Variants in TANC2 observed in about 807,000 individuals in gnomAD.
TANC2 encodes tetratricopeptide repeat, ankyrin repeat and coiled-coil containing 2, also known as protein TANC2.
Under a neutral mutation model 210.5 loss-of-function variants are expected in TANC2, and 26 were observed. That is an observed-to-expected ratio of 0.12 (90% CI 0.09 to 0.17). The LOEUF (loss-of-function observed/expected upper bound fraction) is 0.17. Ranked by LOEUF, TANC2 falls within the 10% of genes least tolerant of loss-of-function variation. The pLI, the probability that TANC2 is intolerant of heterozygous loss-of-function variation, is 1.00. For synonymous variants in TANC2, 931 were observed against 967.1 expected (o/e 0.96, Z 0.69); for missense variants, 2,129 against 2,608.9 (o/e 0.82, Z 4.01).
chr17:63,047,383 G>A (rs570378378), intron 2 of TANC2, among the ~76,000 whole-genome samples: 6 of 152,282 alleles, frequency 3.9e-5, no homozygotes, highest in East Asian at 1.9e-4. Context: ...TCAGTTATTT[G>A]TGGATATATG....
At chr17:63,356,132 CTT>C (rs2046777019) in intron 14 of TANC2, among the ~76,000 whole-genome samples, 2 of 152,282 alleles carry the variant, frequency 1.3e-5, no homozygotes, top group African/African-American at 4.8e-5. Context: ...CCCCAGCACT[CTT>C]TCCCAATGAG....
chr17:63,070,890 T>C (rs1474293406), intron 2 of TANC2, among the ~76,000 whole-genome samples: 1 of 152,168 alleles, frequency 6.6e-6, no homozygotes, highest in Non-Finnish European at 1.5e-5. Context: ...TAAAAAACAT[T>C]AAGCAGGTCA....
At chr17:63,285,028 A>G (rs940707455) in intron 9 of TANC2, among the ~76,000 whole-genome samples, 6 of 152,122 alleles carry the variant, frequency 3.9e-5, no homozygotes, top group African/African-American at 1.4e-4. Context: ...CACTTTGTCT[A>G]ATAATAAAAA....
At chr17:63,143,551 CTTTAT>C (rs1355978040) in intron 4 of TANC2, among the ~76,000 whole-genome samples, 1 of 152,220 alleles carries the variant, frequency 6.6e-6, no homozygotes, top group Non-Finnish European at 1.5e-5. Context: ...ATCACAACCT[CTTTAT>C]TTTAATCAGT....
chr17:63,201,622 C>CTT (rs76234428), intron 7 of TANC2, among the ~76,000 whole-genome samples: 46 of 139,850 alleles, frequency 3.3e-4, no homozygotes, highest in South Asian at 1.6e-3. Context: ...TTTCTTATAC[C>CTT]TTTTTTTTTT....
chr17:63,052,682 C>T (rs981526672), intron 2 of TANC2, among the ~76,000 whole-genome samples: 4 of 152,188 alleles, frequency 2.6e-5, no homozygotes, highest in African/African-American at 9.7e-5. Context: ...CCAGCATATT[C>T]AGGGGCTCCA....
At chr17:63,134,227 T>G (rs2039014413) in intron 4 of TANC2, among the ~76,000 whole-genome samples, 1 of 152,162 alleles carries the variant, frequency 6.6e-6, no homozygotes, top group African/African-American at 2.4e-5. Context: ...TGCCAAACAT[T>G]CTGACCAACT....
chr17:63,339,537 A>G (rs1443777413), intron 11 of TANC2, among the ~76,000 whole-genome samples: 1 of 152,004 alleles, frequency 6.6e-6, no homozygotes, highest in Non-Finnish European at 1.5e-5. Flanking sequence ...TAATTCTGAT[A>G]CTCTTTTTCT....
chr17:63,380,810 G>T (rs2047584045), intron 15 of TANC2, among the ~76,000 whole-genome samples: 2 of 152,206 alleles, frequency 1.3e-5, no homozygotes, highest in South Asian at 4.1e-4. Context: ...AGCCAGAGCA[G>T]CCTGGTCATC....
intron 2 of TANC2, among the ~76,000 whole-genome samples, chr17:63,037,234 G>C (rs896238666): frequency 6.6e-6 from 1 of 152,104 alleles, no homozygotes; most frequent in African/African-American, 2.4e-5. Context: ...GCATGGATAT[G>C]CCAGAAGTTA....
intron 7 of TANC2, among the ~76,000 whole-genome samples, chr17:63,235,190 CTG>C (rs1449833339): frequency 1.3e-5 from 2 of 151,966 alleles, no homozygotes; most frequent in Non-Finnish European, 2.9e-5. Context: ...GTTTCAGAAA[CTG>C]TTTTCCAGAT....
At chr17:63,299,444 G>T (rs919547303) in intron 9 of TANC2, among the ~76,000 whole-genome samples, 2 of 151,266 alleles carry the variant, frequency 1.3e-5, no homozygotes, top group Middle Eastern at 6.9e-3. Context: ...ATTGTTTATT[G>T]ACTTTTTAAT....
intron 4 of TANC2, among the ~76,000 whole-genome samples, chr17:63,139,859 A>C (rs145561120): frequency 0.016 from 2,505 of 152,302 alleles, 33 homozygotes; most frequent in Non-Finnish European, 0.024. Context: ...AGCTGTGATC[A>C]CACTACTGCA....
In TANC2 at chr17:63,279,252, A is replaced by T. The variant is rs190984252; in HGVS notation, c.1159+11379A>T. On this transcript the variant is annotated intron_variant, in intron 9 of 27. Transcript: ENST00000689528. Reference sequence around the variant, plus strand: ...ACTTGAGCAGAGTTCGTCATCAAGAATGGGAAGACAGGATGAAAGCATGAC... The same window carrying T: ...ACTTGAGCAGAGTTCGTCATCAAGATTGGGAAGACAGGATGAAAGCATGAC... 4.1e-4 allele frequency among the ~76,000 whole-genome samples: 62 copies of T among 152,260 alleles called. 1 individual carries two copies. In the East Asian group the frequency reaches 6.6e-3, roughly 16 times the overall value.
intron 15 of TANC2, among the ~76,000 whole-genome samples, chr17:63,385,995 C>A (rs955487352): frequency 3.3e-5 from 5 of 152,180 alleles, no homozygotes; most frequent in Admixed American, 1.3e-4. Flanking sequence ...TAGCACCATC[C>A]TTCCTCATTT....
At chr17:62,992,248 T>C (rs1289688858) in intron 1 of TANC2, among the ~76,000 whole-genome samples, 1 of 152,158 alleles carries the variant, frequency 6.6e-6, no homozygotes, top group African/African-American at 2.4e-5. Context: ...GATGATTGTA[T>C]GCGCTTATCT....
chr17:63,168,509 T>C (rs2040292748), intron 5 of TANC2, among the ~76,000 whole-genome samples: 1 of 152,188 alleles, frequency 6.6e-6, no homozygotes, highest in African/African-American at 2.4e-5. Flanking sequence ...CAGACCACCA[T>C]CTTAACTTCC....
At chr17:63,067,012 A>G (rs1278570280) in intron 2 of TANC2, among the ~76,000 whole-genome samples, 1 of 152,206 alleles carries the variant, frequency 6.6e-6, no homozygotes, top group Non-Finnish European at 1.5e-5. Context: ...AACTGACCTA[A>G]CAGATCACTG....
Position 63,389,556 on chromosome 17 carries a change from C to G in TANC2, c.3051+12C>G. The G allele has an allele frequency of 6.3e-7, 1 of 1,592,562 alleles. No homozygotes were observed. The highest frequency in any genetic ancestry group is 8.6e-7 in the Non-Finnish European group (1 of 1,168,308). Reference sequence around the variant, plus strand: ...AGAAACGGGCCAAGGTACTGGCTGCCCAGCTCTGCTGCTTTTCTTCCCTTT... The same window carrying G: ...AGAAACGGGCCAAGGTACTGGCTGCGCAGCTCTGCTGCTTTTCTTCCCTTT... On this transcript the variant is annotated intron_variant, in intron 17 of 27. Transcript: ENST00000689528.
Sources: gnomAD v4.1 joint callset for allele counts (sites outside exome capture counted in the v4.1 genomes callset) on GRCh38, gnomAD v4.1.1 for gene constraint, MANE v1.5 for transcripts, NCBI Gene and HGNC (gene_info 2026-07-23, HGNC 2026-07-21) for gene names.